CDC42EP5: variants seen among roughly 807,000 people sequenced by gnomAD.
CDC42EP5 encodes the protein CDC42 effector protein (Rho GTPase binding) 5.
For missense variants in CDC42EP5, 269 were observed against 238.0 expected, an observed-to-expected ratio of 1.13 and a Z score of -0.86; for synonymous variants, 118 against 123.3, an observed-to-expected ratio of 0.96 and a Z score of 0.28.
chr19:54,466,049 C>T (rs1028674599), intron 2 of CDC42EP5, among the ~76,000 whole-genome samples: 2 of 152,178 alleles, frequency 1.3e-5, no homozygotes, highest in East Asian at 1.9e-4. Context: ...CATGCTATGC[C>T]GATCCTCCTG....
intron 1 of CDC42EP5, among the ~76,000 whole-genome samples, chr19:54,471,916 C>G (rs1308223834): frequency 8.0e-4 from 59 of 73,936 alleles, no homozygotes; most frequent in South Asian, 3.4e-3. Context: ...AGACCCCCAG[C>G]CCCTCCTCCC....
intron 1 of CDC42EP5, among the ~76,000 whole-genome samples, 194 bp from the exon 2 acceptor site, chr19:54,471,879 C>G (rs1365366842): frequency 6.6e-5 from 9 of 137,062 alleles, no homozygotes; most frequent in South Asian, 2.3e-4. Context: ...GACCCCCCAG[C>G]CCCTCCTCCC....
chr19:54,470,297 A>G (rs1326849529), intron 2 of CDC42EP5, among the ~76,000 whole-genome samples: 4 of 152,094 alleles, frequency 2.6e-5, no homozygotes, highest in Non-Finnish European at 5.9e-5. Flanking sequence ...CCTTGAGCCC[A>G]GGAGTTTGAG....
Position 54,465,538 on chromosome 19 carries a change from G to C in CDC42EP5, c.10C>G (p.Leu4Val). Reference protein sequence around the residue: MPVLKQLGPAQPKK... With the variant: MPVVKQLGPAQPKK... ...GGCTGCGCGGGGCCCAGCTGCTTCA[G>C]CACGGGCATCTGCGAGGGGCACGGG... is the stretch of plus-strand genomic sequence containing the variant. The change falls in exon 3 of 3, where the codon CTG becomes GTG. Residue 4 changes from leucine to valine, a missense_variant. Leu to Val is a conservative substitution (Grantham distance 32). Transcript: ENST00000301200. The C allele has an allele frequency of 1.3e-6, 2 of 1,533,848 alleles. No homozygotes were observed. Among genetic ancestry groups the C allele is most frequent in the Non-Finnish European group, 8.7e-7 (1 of 1,152,354 alleles).
intron 2 of CDC42EP5, among the ~76,000 whole-genome samples, chr19:54,467,974 T>C (rs1231368090): frequency 3.9e-5 from 6 of 152,232 alleles, no homozygotes; most frequent in Non-Finnish European, 8.8e-5. Context: ...CCTATTTCAG[T>C]TGAAGCCCTA....
intron 2 of CDC42EP5, among the ~76,000 whole-genome samples, chr19:54,471,087 T>C (rs1455755369): frequency 6.6e-6 from 1 of 152,156 alleles, no homozygotes; most frequent in Non-Finnish European, 1.5e-5. Flanking sequence ...AATGAGGTCA[T>C]GCTCGGAAAA....
chr19:54,468,822 G>C (rs555242926), intron 2 of CDC42EP5, among the ~76,000 whole-genome samples: 3 of 151,450 alleles, frequency 2.0e-5, no homozygotes, highest in African/African-American at 7.3e-5. Flanking sequence ...AAAGTGCTGA[G>C]ATTACAGGTG....
chr19:54,467,527 T>C (rs998169926), intron 2 of CDC42EP5, among the ~76,000 whole-genome samples: 1 of 151,918 alleles, frequency 6.6e-6, no homozygotes, highest in African/African-American at 2.4e-5. Context: ...AGCATCTGCA[T>C]TGTAAACTAG....
At chr19:54,467,783 A>C (rs1022228638) in intron 2 of CDC42EP5, among the ~76,000 whole-genome samples, 10 of 152,194 alleles carry the variant, frequency 6.6e-5, no homozygotes. Flanking sequence ...TTGGCCTCCC[A>C]AAGTGTTGGG....
Position 54,465,376 on chromosome 19 carries a change from G to T in CDC42EP5, c.172C>A (p.Pro58Thr). Residue 58 changes from proline to threonine, a missense_variant, in exon 3 of 3, where the codon CCC (proline) becomes ACC (threonine). Physicochemically the swap from Pro to Thr is conservative, Grantham distance 38 (BLOSUM62 -1). Coordinates refer to ENST00000301200, the MANE Select transcript of CDC42EP5 (RefSeq NM_145057.4). ...CCCGCGGGGGGCGCCCGGGGCTCGG[G>T]GGGCGGCCCGCCGCCGTGGCGGCTC... ...FLSRHGGGPP[P>T]EPRAPPAGAP... 8.5e-7 allele frequency: 1 copy of T among 1,170,256 alleles called. No individual in the cohort carries two copies. Among genetic ancestry groups the T allele is most frequent in the Non-Finnish European group, 1.1e-6 (1 of 947,768 alleles). 72.5% of individuals were successfully genotyped at this position (1,170,256 alleles called of 1,614,324 possible).
intron 2 of CDC42EP5, among the ~76,000 whole-genome samples, chr19:54,470,478 A>G (rs907010794): frequency 2.7e-5 from 4 of 150,280 alleles, no homozygotes; most frequent in Non-Finnish European, 5.9e-5. Context: ...AGAAAGAAAG[A>G]GAAAGAAAAA....
At chr19:54,471,367 T>C (rs1312107841) in intron 2 of CDC42EP5, 178 bp downstream of exon 2, 1 of 151,878 alleles carries the variant, frequency 6.6e-6, no homozygotes, top group Non-Finnish European at 1.5e-5. Flanking sequence ...GCCCAACTGG[T>C]TCTCAGACCC....
intron 1 of CDC42EP5, 113 bp from the exon 2 acceptor site, chr19:54,471,798 C>A: frequency 6.1e-6 from 1 of 165,212 alleles, no homozygotes; most frequent in Non-Finnish European, 1.3e-5. Context: ...TAGATCTTCG[C>A]TTTCTTAATC....
intron 2 of CDC42EP5, among the ~76,000 whole-genome samples, chr19:54,471,218 C>T (rs2084831499): frequency 6.6e-6 from 1 of 152,124 alleles, no homozygotes; most frequent in African/African-American, 2.4e-5. Flanking sequence ...GTTCTCCCCC[C>T]GCCTCCGCCC....
At position 54,465,364 on chromosome 19, in the gene CDC42EP5, C is replaced by T. The variant is rs774607002; in HGVS notation, c.184G>A (p.Ala62Thr). 1 of 1,159,208 alleles carries T rather than the reference C, an allele frequency of 8.6e-7. No homozygotes were observed. Among genetic ancestry groups the T allele is most frequent in the East Asian group, 3.9e-5 (1 of 25,554 alleles). 71.8% of individuals were successfully genotyped at this position (1,159,208 alleles called of 1,614,324 possible). A position where few individuals can be genotyped will look rare whatever the true frequency, so the allele number is the denominator to read the frequency against. Residue 62 changes from alanine to threonine, a missense_variant, in exon 3 of 3, where the codon GCG (alanine) becomes ACG (threonine). Transcript: ENST00000301200. Reference protein sequence around the residue: ...HGGGPPPEPRAPPAGAPRSPP... With the variant: ...HGGGPPPEPRTPPAGAPRSPP... ...GAGCGCGGGGCCCCCGCGGGGGGCG[C>T]CCGGGGCTCGGGGGGCGGCCCGCCG...
intron 2 of CDC42EP5, among the ~76,000 whole-genome samples, chr19:54,467,286 T>A (rs2084767839): frequency 6.9e-6 from 1 of 145,186 alleles, no homozygotes; most frequent in Non-Finnish European, 1.5e-5. Flanking sequence ...CCATCTCTAC[T>A]AAAAAAAAAA....
rs17856722 is a variant in CDC42EP5, at chr19:54,465,373, C to T, written c.175G>A (p.Glu59Lys). ...LSRHGGGPPP[E>K]PRAPPAGAPR... is the part of the protein sequence containing the mutation. ...GCCCCCGCGGGGGGCGCCCGGGGCT[C>T]GGGGGGCGGCCCGCCGCCGTGGCGG... The change falls in exon 3 of 3, where the codon GAG becomes AAG. Residue 59 changes from glutamate (E) to lysine (K), a missense_variant. Coordinates refer to ENST00000301200, the MANE Select transcript of CDC42EP5 (RefSeq NM_145057.4). The T allele has an allele frequency of 8.6e-7, 1 of 1,164,516 alleles. No individual in the cohort carries two copies. The highest frequency in any genetic ancestry group is 1.1e-6 in the Non-Finnish European group (1 of 944,610). The allele number at this position is 1,164,516 out of a possible 1,614,324, so 72.1% of individuals were successfully genotyped here.
intron 2 of CDC42EP5, among the ~76,000 whole-genome samples, chr19:54,467,377 TG>T (rs2084769061): frequency 6.6e-6 from 1 of 150,566 alleles, no homozygotes; most frequent in African/African-American, 2.4e-5. Flanking sequence ...CGCTTGAACT[TG>T]GGAGGCAGAG....
At chr19:54,469,404 A>G (rs2084805656) in intron 2 of CDC42EP5, among the ~76,000 whole-genome samples, 1 of 152,146 alleles carries the variant, frequency 6.6e-6, no homozygotes, top group African/African-American at 2.4e-5. Context: ...TCTAGCTGCT[A>G]ACAGAGCCTA....
Sources: gnomAD v4.1 joint callset for allele counts (sites outside exome capture counted in the v4.1 genomes callset) on GRCh38, gnomAD v4.1.1 for gene constraint, MANE v1.5 for transcripts, NCBI Gene and HGNC (gene_info 2026-07-23, HGNC 2026-07-21) for gene names.